Variants in PRAME observed in about 807,000 individuals in gnomAD.
PRAME encodes PRAME nuclear receptor transcriptional regulator.
Under a neutral mutation model 32.1 loss-of-function variants are expected in PRAME, and 21 were observed. The observed-to-expected ratio is 0.65, with a 90% CI of 0.46 to 0.94. The LOEUF (loss-of-function observed/expected upper bound fraction) is 0.94, where lower values mean the gene tolerates loss of function less well. Ranked by LOEUF, PRAME falls within the 40% of genes least tolerant of loss-of-function variation. PRAME has a pLI of 0.00. For synonymous variants in PRAME, 274 were observed against 251.5 expected, an observed-to-expected ratio of 1.09 and a Z score of -0.85; for missense variants, 651 against 622.3, an observed-to-expected ratio of 1.05 and a Z score of -0.49.
chr22:22,548,672 G>T, intron 5 of PRAME, 29 bp from the exon 6 acceptor site: 1 of 1,525,836 alleles, frequency 6.6e-7, no homozygotes, highest in South Asian at 1.2e-5. Context: ...GTTAGTGCTG[G>T]GGAATGGTGG....
At position 22,547,925 on chromosome 22, in the gene PRAME, T is replaced by G. The variant is rs1267159712; in HGVS notation, c.*142A>C. 2 of 956,496 alleles carry G rather than the reference T, an allele frequency of 2.1e-6. No homozygotes were observed. Among genetic ancestry groups the G allele is most frequent in the Non-Finnish European group, 3.1e-6 (2 of 636,012 alleles). 59.3% of individuals were successfully genotyped at this position (956,496 alleles called of 1,614,324 possible). Reference sequence around the variant, plus strand: ...TCCTCACTGAACATTTGTCTGAATGTTTTTTCCTCACTGAACATGTTTTCC... The same window carrying G: ...TCCTCACTGAACATTTGTCTGAATGGTTTTTCCTCACTGAACATGTTTTCC... On this transcript the variant is annotated 3_prime_UTR_variant, in exon 6 of 6. Transcript: ENST00000405655.
rs757856504 is a variant in PRAME, at chr22:22,549,834, T to G, written c.845A>C (p.Glu282Ala). The change falls in exon 5 of 6, where the codon GAG (glutamate) becomes GCG (alanine). Residue 282 changes from glutamate (E) to alanine (A), a missense_variant. Coordinates refer to ENST00000405655, the MANE Select transcript of PRAME (RefSeq NM_206956.3). ...ASSYISPEKEEQYIAQFTSQF... is the reference protein window; with the variant it reads ...ASSYISPEKEAQYIAQFTSQF... ...AGAGGTGAACTGGGCGATATACTGC[T>G]CTTCCTTCTCCGGGGAAATGTAGGA... 1 of 1,613,788 alleles carries G rather than the reference T, an allele frequency of 6.2e-7. No individual in the cohort carries two copies. Among genetic ancestry groups the G allele is most frequent in the South Asian group, 1.1e-5 (1 of 91,062 alleles).
At chr22:22,556,747 G>A in intron 3 of PRAME, 65 bp downstream of exon 3, 1 of 1,594,334 alleles carries the variant, frequency 6.3e-7, no homozygotes, top group Non-Finnish European at 8.6e-7. Context: ...TCTGGCTCGA[G>A]TGACAAGGAC....
chr22:22,555,944 G>A (rs762611151), intron 3 of PRAME: 102 of 466,878 alleles, frequency 2.2e-4, no homozygotes, highest in Non-Finnish European at 6.3e-5. Context: ...CCGGGGAAAG[G>A]TTCTGAATGT....
rs779249986 is a variant in PRAME at position 22,548,646 on chromosome 22, G to A, written c.954-3C>T. On this transcript the variant is annotated splice_region_variant and splice_polypyrimidine_tract_variant and intron_variant, in intron 5 of 5. Coordinates refer to ENST00000405655, the MANE Select transcript of PRAME (RefSeq NM_206956.3). ...TTTCCAAGGGGTTCATCACGTGCCT[G>A]CAAATAGACAAAGCAGTTAGTGCTG... The A allele has an allele frequency of 4.4e-6, 7 of 1,583,228 alleles. No homozygotes were observed. The East Asian group carries it at 6.7e-5, about 15-fold the overall frequency.
At position 22,550,177 on chromosome 22, in the gene PRAME, C is replaced by T. The variant is rs759876581; in HGVS notation, c.502G>A (p.Ala168Thr). Residue 168 changes from alanine to threonine, a missense_variant, in exon 5 of 6, where the codon GCA (alanine) becomes ACA (threonine). Coordinates refer to ENST00000405655, the MANE Select transcript of PRAME (RefSeq NM_206956.3). The part of the protein sequence containing the change: ...KRKVDGLSTE[A>T]EQPFIPVEVL... ...TCTACTGGAATGAAGGGCTGCTCTG[C>T]CTCTGTGCTCAAACCATCTACTTTT... is the stretch of plus-strand genomic sequence containing the variant. The T allele has an allele frequency of 1.2e-6, 2 of 1,613,762 alleles. No homozygotes were observed. The highest frequency in any genetic ancestry group is 8.5e-7 in the Non-Finnish European group (1 of 1,179,982).
chr22:22,550,096 G>C lies in PRAME; in HGVS notation c.583C>G (p.Leu195Val), dbSNP rs1254116623. 1.2e-6 allele frequency: 2 copies of C among 1,613,904 alleles called. No individual in the cohort carries two copies. Among genetic ancestry groups the C allele is most frequent in the Admixed American group, 1.7e-5 (1 of 59,988 alleles). ...TTCTTTCGCTTCACTTTCTCAATGA[G>C]GTAGGAGAACAATTCATCACAGGCA... ...EGACDELFSY[L>V]IEKVKRKKNV... Residue 195 changes from leucine (L) to valine (V), a missense_variant, in exon 5 of 6, where the codon CTC becomes GTC. Physicochemically the swap from Leu to Val is conservative, Grantham distance 32. Coordinates refer to ENST00000405655, the MANE Select transcript of PRAME (RefSeq NM_206956.3).
rs1169805167 is a variant in PRAME, at chr22:22,549,911, C to G, written c.768G>C (p.Leu256=). ...GTCTACGCAGATTAATCATCTGGCC[C>G]AGGTAAGGAGAAAATTTCGCCAAGG... The part of the protein sequence containing the change: ...LPTLAKFSPY[L]GQMINLRRLL... The change falls in exon 5 of 6, where the codon CTG becomes CTC. Residue 256 remains leucine, a synonymous_variant. Coordinates refer to ENST00000405655, the MANE Select transcript of PRAME (RefSeq NM_206956.3). The G allele has an allele frequency of 6.2e-7, 1 of 1,613,734 alleles. No individual in the cohort carries two copies. Among genetic ancestry groups the G allele is most frequent in the Non-Finnish European group, 8.5e-7 (1 of 1,179,934 alleles).
At chr22:22,549,333 G>T (rs2062429202) in intron 5 of PRAME, among the ~76,000 whole-genome samples, 1 of 151,960 alleles carries the variant, frequency 6.6e-6, no homozygotes, top group African/African-American at 2.4e-5. Context: ...ATGTTGAGAA[G>T]CTGGTGAGCG....
chr22:22,548,691 T>G (rs1330499039), intron 5 of PRAME, 48 bp from the exon 6 acceptor site: 1 of 1,471,462 alleles, frequency 6.8e-7, no homozygotes, highest in South Asian at 1.3e-5. Flanking sequence ...GGTAGTGGGG[T>G]GGGGAGACTG....
At position 22,551,103 on chromosome 22, in the gene PRAME, C is replaced by A. The variant is rs762304858; in HGVS notation, c.22-14G>T. The A allele has an allele frequency of 1.3e-6, 2 of 1,550,032 alleles. No homozygotes were observed. The highest frequency in any genetic ancestry group is 1.7e-6 in the Non-Finnish European group (2 of 1,143,588). The stretch of plus-strand genomic sequence containing the variant: ...CTGAATGGAACCCTGAGGAAACATA[C>A]AGGGAACAAGGCATCCCTTTCAGCC... On this transcript the variant is annotated splice_polypyrimidine_tract_variant and intron_variant, in intron 3 of 5. Transcript: ENST00000405655.
rs2229695 is a variant in PRAME at position 22,549,913 on chromosome 22, G to A, written c.766C>T (p.Leu256=). Reference sequence around the variant, plus strand: ...CTACGCAGATTAATCATCTGGCCCAGGTAAGGAGAAAATTTCGCCAAGGTG... The same window carrying A: ...CTACGCAGATTAATCATCTGGCCCAAGTAAGGAGAAAATTTCGCCAAGGTG... ...LPTLAKFSPY[L]GQMINLRRLL... Residue 256 remains leucine, a synonymous_variant, in exon 5 of 6, where the codon CTG becomes TTG. Coordinates refer to ENST00000405655, the MANE Select transcript of PRAME (RefSeq NM_206956.3). 4,543 of 1,613,776 alleles carry A rather than the reference G, an allele frequency of 2.8e-3. 95 individuals carry two copies. In the African/African-American group the frequency reaches 0.049, roughly 18 times the overall value.
chr22:22,548,338 A>G lies in PRAME; in HGVS notation c.1259T>C (p.Ile420Thr). The G allele has an allele frequency of 2.5e-6, 4 of 1,613,684 alleles. No homozygotes were observed. Among genetic ancestry groups the G allele is most frequent in the Non-Finnish European group, 1.7e-6 (2 of 1,179,948 alleles). The change falls in exon 6 of 6, where the codon ATA (isoleucine) becomes ACA (threonine). Residue 420 changes from isoleucine (I) to threonine (T), a missense_variant. Ile to Thr is a moderately conservative substitution (Grantham distance 89). Transcript: ENST00000405655. ...CTGCAGGAGACTCTGCAGGGCAGAT[A>G]TGGAGATGGAATTCCCGTAGAAGCT... Reference protein sequence around the residue: ...TLSFYGNSISISALQSLLQHL... With the variant: ...TLSFYGNSISTSALQSLLQHL...
At position 22,550,950 on chromosome 22, in the gene PRAME, G is replaced by A. The variant is rs768515898; in HGVS notation, c.161C>T (p.Pro54Leu). The change falls in exon 4 of 6, where the codon CCG (proline) becomes CTG (leucine). Residue 54 changes from proline (P) to leucine (L), a missense_variant. Pro to Leu is a moderately conservative substitution (Grantham distance 98). Transcript: ENST00000405655. ...GTCAAAGGCTGCCATGAAGAGTGGC[G>A]GGAAGAGCTCCCTGGGCAGCAACTC... is the stretch of plus-strand genomic sequence containing the variant. ...ALELLPRELFPPLFMAAFDGR... is the reference protein window; with the variant it reads ...ALELLPRELFLPLFMAAFDGR... The A allele has an allele frequency of 1.1e-5, 17 of 1,613,652 alleles. No homozygotes were observed. Among genetic ancestry groups the A allele is most frequent in the East Asian group, 4.5e-5 (2 of 44,770 alleles).
rs2062375653 is a variant in PRAME at position 22,548,602 on chromosome 22, C to A, written c.995G>T (p.Cys332Phe). Residue 332 changes from cysteine (C) to phenylalanine (F), a missense_variant, in exon 6 of 6, where the codon TGC becomes TTC. By Grantham distance (205) the Cys-to-Phe change is radical. Coordinates refer to ENST00000405655, the MANE Select transcript of PRAME (RefSeq NM_206956.3). ...CATCACATCCCCTTCCGAAAGCCGG[C>A]AGTTAGTTATTGAGAGGGTTTCCAA... The part of the protein sequence containing the change: ...NPLETLSITN[C>F]RLSEGDVMHL... 4 of 1,609,130 alleles carry A rather than the reference C, an allele frequency of 2.5e-6. No homozygotes were observed. The highest frequency in any genetic ancestry group is 3.4e-6 in the Non-Finnish European group (4 of 1,179,734).
At chr22:22,553,758 C>T in intron 3 of PRAME, 1 of 979,896 alleles carries the variant, frequency 1.0e-6, no homozygotes, top group Non-Finnish European at 1.2e-6. Flanking sequence ...TCTTAGGAAT[C>T]TTGGAGCCAG....
chr22:22,550,178 C>T lies in PRAME; in HGVS notation c.501G>A (p.Glu167=). The T allele has an allele frequency of 6.2e-7, 1 of 1,613,856 alleles. No individual in the cohort carries two copies. Among genetic ancestry groups the T allele is most frequent in the Middle Eastern group, 1.7e-4 (1 of 6,054 alleles). Residue 167 remains glutamate, a synonymous_variant, in exon 5 of 6, where the codon GAG becomes GAA. Coordinates refer to ENST00000405655, the MANE Select transcript of PRAME (RefSeq NM_206956.3). ...KKRKVDGLST[E]AEQPFIPVEV... ...CTACTGGAATGAAGGGCTGCTCTGC[C>T]TCTGTGCTCAAACCATCTACTTTTC...
chr22:22,553,916 T>A (rs2062750623), intron 3 of PRAME: 1 of 985,020 alleles, frequency 1.0e-6, no homozygotes, highest in Admixed American at 6.2e-5. Context: ...TAATCTCCAA[T>A]GGCCAGCCCC....
chr22:22,553,923 C>G (rs1408702895), intron 3 of PRAME: 19 of 985,026 alleles, frequency 1.9e-5, no homozygotes, highest in Non-Finnish European at 2.2e-5. Flanking sequence ...CAATGGCCAG[C>G]CCCTTCCTAA....
Sources: allele counts gnomAD v4.1 joint callset (sites outside exome capture counted in the v4.1 genomes callset), GRCh38; gene constraint gnomAD v4.1.1; transcripts MANE v1.5; gene names NCBI Gene and HGNC (gene_info 2026-07-23, HGNC 2026-07-21).